GALNT2: variants seen among roughly 807,000 people sequenced by gnomAD.
GALNT2 encodes UDP-GalNAc:polypeptide N-acetylgalactosaminyltransferase 2.
Under a neutral mutation model 81.4 loss-of-function variants are expected in GALNT2, and 31 were observed. The observed-to-expected ratio is 0.38, with a 90% CI of 0.29 to 0.51. The LOEUF (loss-of-function observed/expected upper bound fraction) is 0.51, where lower values mean the gene tolerates loss of function less well. Among genes scored for constraint, GALNT2 ranks in the 20% least tolerant of loss-of-function variants. The probability of loss-of-function intolerance (pLI) is 0.87; values close to 1 mark genes in which losing one functional copy is unlikely to be tolerated. For synonymous variants in GALNT2, 303 were observed against 287.4 expected, an observed-to-expected ratio of 1.05 and a Z score of -0.55; for missense variants, 629 against 765.7, an observed-to-expected ratio of 0.82 and a Z score of 2.11.
upstream of GALNT2, among the ~76,000 whole-genome samples, chr1:230,057,807 C>T (rs1298678096): frequency 1.3e-5 from 2 of 152,204 alleles, no homozygotes; most frequent in Non-Finnish European, 2.9e-5. Flanking sequence ...AAGGAACTGG[C>T]TACCGGAGGA....
At chr1:230,119,753 C>G (rs112343550) in intron 1 of GALNT2, among the ~76,000 whole-genome samples, 2 of 152,074 alleles carry the variant, frequency 1.3e-5, no homozygotes, top group African/African-American at 4.8e-5. Context: ...CCAGATAGGG[C>G]TTTTTGCTTG....
Position 230,279,687 on chromosome 1 carries a change from CT to C in GALNT2, c.*231del, listed in dbSNP as rs922251506. On this transcript the variant is annotated 3_prime_UTR_variant, in exon 16 of 16. Coordinates refer to ENST00000366672, the MANE Select transcript of GALNT2 (RefSeq NM_004481.5). The surrounding 1 kb of genome is among the most constrained non-coding windows in gnomAD (Gnocchi z 4.6). ...TCTCGGTGCAGCCCAGCCGGGCCCC[CT>C]TCCCCAGGCCGGAGCGCCCCTCTTC... 1 of 588,620 alleles carries C rather than the reference CT, an allele frequency of 1.7e-6. No individual in the cohort carries two copies. The highest frequency in any genetic ancestry group is 1.9e-5 in the African/African-American group (1 of 53,778). 36.5% of individuals were successfully genotyped at this position (588,620 alleles called of 1,614,324 possible).
chr1:230,092,624 G>A (rs528005704), intron 1 of GALNT2, among the ~76,000 whole-genome samples: 1 of 152,218 alleles, frequency 6.6e-6, no homozygotes, highest in East Asian at 1.9e-4. Flanking sequence ...GATTACAGGT[G>A]TGAGCCACCG....
At chr1:230,088,419 G>T in intron 1 of GALNT2, among the ~76,000 whole-genome samples, 1 of 150,376 alleles carries the variant, frequency 6.6e-6, no homozygotes, top group East Asian at 1.9e-4. Context: ...TGTGTGACAG[G>T]GTTTTTTTTT....
At chr1:230,103,415 C>T (rs1272185421) in intron 1 of GALNT2, among the ~76,000 whole-genome samples, 1 of 152,194 alleles carries the variant, frequency 6.6e-6, no homozygotes, top group Non-Finnish European at 1.5e-5. Context: ...GTGTTGAGCA[C>T]CCAGATGCCT....
chr1:230,230,312 A>G (rs1033950424), intron 3 of GALNT2, among the ~76,000 whole-genome samples: 10 of 152,224 alleles, frequency 6.6e-5, no homozygotes, highest in Non-Finnish European at 1.2e-4. Flanking sequence ...GAATGTATCC[A>G]GACTGCCAGT....
At chr1:230,194,926 G>GGA (rs1663641674) in intron 2 of GALNT2, among the ~76,000 whole-genome samples, 1 of 152,240 alleles carries the variant, frequency 6.6e-6, no homozygotes, top group African/African-American at 2.4e-5. Flanking sequence ...CACGAGGGGA[G>GGA]GAGAGAGAGC....
intron 1 of GALNT2, among the ~76,000 whole-genome samples, chr1:230,138,480 A>G (rs1481327673): frequency 1.3e-5 from 2 of 148,840 alleles, no homozygotes; most frequent in African/African-American, 2.5e-5. Context: ...AGCTGAGATC[A>G]CGCCTCTGCA....
chr1:230,246,097 T>C lies in GALNT2; in HGVS notation c.764T>C (p.Val255Ala). ...CGGGTTGTGTCACCCATCATCGATG[T>C]CATTAATATGGACAACTTTCAGTAT... ...RTRVVSPIID[V>A]INMDNFQYVG... The change falls in exon 8 of 16, where the codon GTC becomes GCC. Residue 255 changes from valine to alanine, a missense_variant. Val to Ala is a moderately conservative substitution (Grantham distance 64). Coordinates refer to ENST00000366672, the MANE Select transcript of GALNT2 (RefSeq NM_004481.5). The C allele has an allele frequency of 1.2e-6, 2 of 1,614,140 alleles. No homozygotes were observed. Among genetic ancestry groups the C allele is most frequent in the Non-Finnish European group, 1.7e-6 (2 of 1,180,024 alleles).
At chr1:230,184,315 A>G (rs1229997898) in intron 2 of GALNT2, among the ~76,000 whole-genome samples, 2 of 151,660 alleles carry the variant, frequency 1.3e-5, no homozygotes, top group Non-Finnish European at 1.5e-5. Context: ...CAGCCTCCCG[A>G]GTAGCTGGGA....
In GALNT2 at chr1:230,279,800, G is replaced by A. The variant is rs570359990; in HGVS notation, c.*342G>A. On this transcript the variant is annotated 3_prime_UTR_variant, in exon 16 of 16. Coordinates refer to ENST00000366672, the MANE Select transcript of GALNT2 (RefSeq NM_004481.5). The surrounding 1 kb of genome is among the most constrained non-coding windows in gnomAD (Gnocchi z 4.6). ...GAGTGGTAGAAGCAACTGAACGGAT[G>A]CGTGCGAGCTGAGGACAGGGCGGGA... The A allele has an allele frequency of 2.0e-6, 1 of 494,526 alleles. No homozygotes were observed. Among genetic ancestry groups the A allele is most frequent in the African/African-American group, 1.9e-5 (1 of 51,862 alleles). The allele number at this position is 494,526 out of a possible 1,614,324, so 30.6% of individuals were successfully genotyped here.
intron 1 of GALNT2, among the ~76,000 whole-genome samples, chr1:230,147,371 G>A (rs1337750798): frequency 3.3e-5 from 5 of 152,146 alleles, no homozygotes; most frequent in Non-Finnish European, 5.9e-5. Flanking sequence ...GCTGAAAGCC[G>A]CCTACTTTGG....
chr1:230,174,022 A>G lies in GALNT2; in HGVS notation c.127-4196A>G, dbSNP rs1036467030. Reference sequence around the variant, plus strand: ...TTTCCTTACCCTCAAAGAACCTGAAATCTTTTTGGATATCAAACATGGGCG... The same window carrying G: ...TTTCCTTACCCTCAAAGAACCTGAAGTCTTTTTGGATATCAAACATGGGCG... On this transcript the variant is annotated intron_variant, in intron 1 of 15. Coordinates refer to ENST00000366672, the MANE Select transcript of GALNT2 (RefSeq NM_004481.5). Among the ~76,000 whole-genome samples, 13 of 152,210 alleles carry G rather than the reference A, an allele frequency of 8.5e-5. 1 individual carries two copies. Among genetic ancestry groups the G allele is most frequent in the Admixed American group, 7.2e-4 (11 of 15,276 alleles).
chr1:230,141,228 C>G (rs1661720792), intron 1 of GALNT2, among the ~76,000 whole-genome samples: 1 of 152,116 alleles, frequency 6.6e-6, no homozygotes, highest in Admixed American at 6.5e-5. Flanking sequence ...GAGATCCTGC[C>G]CATCTTAACA....
At position 230,243,293 on chromosome 1, in the gene GALNT2, C is replaced by A; in HGVS notation, c.608-13C>A. ...TTCTCTCTCCTGACGTGCTTTCCAACTCGCCTCTGCAGGCCTCATGCGCTC... is the reference window on the plus strand; with the variant it reads ...TTCTCTCTCCTGACGTGCTTTCCAAATCGCCTCTGCAGGCCTCATGCGCTC... On this transcript the variant is annotated splice_polypyrimidine_tract_variant and intron_variant, in intron 6 of 15. Coordinates refer to ENST00000366672, the MANE Select transcript of GALNT2 (RefSeq NM_004481.5). The surrounding 1 kb of genome is among the most constrained non-coding windows in gnomAD (Gnocchi z 4.2). 1 of 1,589,210 alleles carries A rather than the reference C, an allele frequency of 6.3e-7. No homozygotes were observed. The highest frequency in any genetic ancestry group is 1.1e-5 in the South Asian group (1 of 89,694).
intron 1 of GALNT2, among the ~76,000 whole-genome samples, chr1:230,143,664 C>T (rs11122395): frequency 0.12 from 18,781 of 152,254 alleles, 1,213 homozygotes; most frequent in Middle Eastern, 0.22. Context: ...AAAGTGTCAG[C>T]CCCACGCTCT....
intron 3 of GALNT2, among the ~76,000 whole-genome samples, chr1:230,222,933 C>T (rs1664594235): frequency 6.6e-6 from 1 of 152,170 alleles, no homozygotes; most frequent in East Asian, 1.9e-4. Context: ...ATCTTTACTT[C>T]TCATTTCTAT....
At chr1:230,264,962 C>G (rs1665987655) in intron 13 of GALNT2, 2 of 327,886 alleles carry the variant, frequency 6.1e-6, no homozygotes, top group South Asian at 1.1e-4. Flanking sequence ...AGGAGCTTTT[C>G]CTTCCTTTCC....
In GALNT2 at chr1:230,252,337, C is replaced by T. The variant is rs147719766; in HGVS notation, c.1009+1777C>T. On this transcript the variant is annotated intron_variant, in intron 10 of 15. Transcript: ENST00000366672. The stretch of plus-strand genomic sequence containing the variant: ...CCCCGCTGGAATGACCAGAGCTTCC[C>T]ATTTTCCTAATCATGTAAGTCCTTA... Among the ~76,000 whole-genome samples the T allele has an allele frequency of 9.9e-4, 151 of 152,274 alleles. 1 individual carries two copies. Among genetic ancestry groups the T allele is most frequent in the Admixed American group, 3.6e-3 (55 of 15,298 alleles).
Sources: allele counts gnomAD v4.1 joint callset (sites outside exome capture counted in the v4.1 genomes callset), GRCh38; gene constraint gnomAD v4.1.1; non-coding constraint Gnocchi (gnomAD v3.1); transcripts MANE v1.5; gene names NCBI Gene and HGNC (gene_info 2026-07-23, HGNC 2026-07-21).